Variants in GTF2H4 observed in about 807,000 individuals in gnomAD.
GTF2H4 encodes the protein general transcription factor IIH subunit 4.
GTF2H4 carries 49 observed loss-of-function variants against 62.2 expected under a neutral mutation model. The observed-to-expected ratio is 0.79, with a 90% CI of 0.63 to 1.00. GTF2H4 has a LOEUF of 1.00. GTF2H4 is among the 50% of genes least tolerant of loss of function. GTF2H4 has a pLI of 0.00. For synonymous variants in GTF2H4, 189 were observed against 233.8 expected (o/e 0.81, Z 1.75); for missense variants, 479 against 587.8 (o/e 0.81, Z 1.91).
rs1793827986 is a variant in GTF2H4, at chr6:30,912,599, G to T, written c.1089+141G>T. 5 of 1,088,408 alleles carry T rather than the reference G, an allele frequency of 4.6e-6. No individual in the cohort carries two copies. In the East Asian group the frequency reaches 1.3e-4, roughly 27 times the overall value. The allele number at this position is 1,088,408 out of a possible 1,614,324, so 67.4% of individuals were successfully genotyped here. A position where few individuals can be genotyped will look rare whatever the true frequency, so the allele number is the denominator to read the frequency against. ...TGTCTGTGTTTGAAGAGAAATGAAG[G>T]CTTTGGGTGTGAGAATAGGTAGACC... On this transcript the variant is annotated intron_variant, in intron 11 of 13. Transcript: ENST00000259895. The surrounding 1 kb of genome is among the most constrained non-coding windows in gnomAD (Gnocchi z 4.8).
Position 30,913,785 on chromosome 6 carries a change from C to G in GTF2H4, c.1217-26C>G, listed in dbSNP as rs1158078193. ...GCTTCACTTTCTCGTCTTCTCCCCGCGCCCCTCCCGTCCTGCCGACCCCAG... is the reference window on the plus strand; with the variant it reads ...GCTTCACTTTCTCGTCTTCTCCCCGGGCCCCTCCCGTCCTGCCGACCCCAG... On this transcript the variant is annotated intron_variant, in intron 13 of 13. Coordinates refer to ENST00000259895, the MANE Select transcript of GTF2H4 (RefSeq NM_001517.5). The surrounding 1 kb of genome is among the most constrained non-coding windows in gnomAD (Gnocchi z 4.2). The G allele has an allele frequency of 6.6e-7, 1 of 1,521,200 alleles. No homozygotes were observed. Among genetic ancestry groups the G allele is most frequent in the Admixed American group, 2.1e-5 (1 of 47,578 alleles). The allele number at this position is 1,521,200 out of a possible 1,614,324, so 94.2% of individuals were successfully genotyped here.
Position 30,913,431 on chromosome 6 carries a change from AAGGGC to A in GTF2H4, c.1216+47_1216+51del, listed in dbSNP as rs1407202773. 1 of 1,595,578 alleles carries A rather than the reference AAGGGC, an allele frequency of 6.3e-7. No homozygotes were observed. The highest frequency in any genetic ancestry group is 1.3e-5 in the African/African-American group (1 of 74,212). The stretch of plus-strand genomic sequence containing the variant: ...CCAAGTCTTGGTCATTGGCCAGAGA[AAGGGC>A]AGACAGTTCAGTCTGCATTTTATTT... On this transcript the variant is annotated intron_variant, in intron 13 of 13. Coordinates refer to ENST00000259895, the MANE Select transcript of GTF2H4 (RefSeq NM_001517.5). The surrounding 1 kb of genome is among the most constrained non-coding windows in gnomAD (Gnocchi z 4.2).
At position 30,909,277 on chromosome 6, in the gene GTF2H4, G is replaced by A. The variant is rs1362122; in HGVS notation, c.137+104G>A. The A allele has an allele frequency of 0.19, 269,229 of 1,407,452 alleles. 32,948 individuals are homozygous for A. Among genetic ancestry groups the A allele is most frequent in the East Asian group, 0.56 (22,724 of 40,498 alleles). 87.2% of individuals were successfully genotyped at this position (1,407,452 alleles called of 1,614,324 possible). ...GCCTGGAGTCGGGGTGGGGACTGGG[G>A]GCAAGGGTTGGAAATTGCTCTAAAG... On this transcript the variant is annotated intron_variant, in intron 2 of 13. Coordinates refer to ENST00000259895, the MANE Select transcript of GTF2H4 (RefSeq NM_001517.5). This position sits in a 1 kb window ranked among gnomAD's most constrained non-coding sequence, Gnocchi z 4.3.
rs1793661386 is a variant in GTF2H4 at position 30,909,122 on chromosome 6, G to C, written c.86G>C (p.Gly29Ala). 1.9e-6 allele frequency: 3 copies of C among 1,614,146 alleles called. No individual in the cohort carries two copies. The highest frequency in any genetic ancestry group is 2.5e-6 in the Non-Finnish European group (3 of 1,180,018). ...LQEFLGGLSP[G>A]VLDRLYGHPA... ...GAATTCTTAGGGGGCCTGAGCCCTG[G>C]GGTATTGGACCGATTGTATGGGCAC... Residue 29 changes from glycine (G) to alanine (A), a missense_variant, in exon 2 of 14, where the codon GGG becomes GCG. By Grantham distance (60) the Gly-to-Ala change is moderately conservative. Coordinates refer to ENST00000259895, the MANE Select transcript of GTF2H4 (RefSeq NM_001517.5). This position sits in a 1 kb window ranked among gnomAD's most constrained non-coding sequence, Gnocchi z 4.3.
Position 30,909,233 on chromosome 6 carries a change from C to T in GTF2H4, c.137+60C>T. 1 of 1,548,090 alleles carries T rather than the reference C, an allele frequency of 6.5e-7. No individual in the cohort carries two copies. On this transcript the variant is annotated intron_variant, in intron 2 of 13. Coordinates refer to ENST00000259895, the MANE Select transcript of GTF2H4 (RefSeq NM_001517.5). This position sits in a 1 kb window ranked among gnomAD's most constrained non-coding sequence, Gnocchi z 4.3. ...GGGTCTGCGGAGTGGAATAAAATATCATAGGTAAAAGTGTAGCAGCCTGGA... is the reference window on the plus strand; with the variant it reads ...GGGTCTGCGGAGTGGAATAAAATATTATAGGTAAAAGTGTAGCAGCCTGGA...
chr6:30,912,036 C>A lies in GTF2H4; in HGVS notation c.848C>A (p.Pro283His). 6.2e-7 allele frequency: 1 copy of A among 1,612,840 alleles called. No homozygotes were observed. Among genetic ancestry groups the A allele is most frequent in the Non-Finnish European group, 8.5e-7 (1 of 1,179,930 alleles). Residue 283 changes from proline to histidine, a missense_variant, in exon 10 of 14, where the codon CCC (proline) becomes CAC (histidine). Physicochemically the swap from Pro to His is moderately conservative, Grantham distance 77. Transcript: ENST00000259895. This position sits in a 1 kb window ranked among gnomAD's most constrained non-coding sequence, Gnocchi z 4.8. ...CAGAGGAAATCTCGGCGTTACTACC[C>A]CACACGCCTGGCCATCAATCTCTCA... ...QRKRKSRRYY[P>H]TRLAINLSSG...
chr6:30,911,613 A>T lies in GTF2H4; in HGVS notation c.742-71A>T, dbSNP rs944115221. The T allele has an allele frequency of 2.5e-6, 3 of 1,196,700 alleles. No individual in the cohort carries two copies. The East Asian group carries it at 7.4e-5, about 29-fold the overall frequency. The allele number at this position is 1,196,700 out of a possible 1,614,324, so 74.1% of individuals were successfully genotyped here. On this transcript the variant is annotated intron_variant, in intron 8 of 13. Transcript: ENST00000259895. This position sits in a 1 kb window ranked among gnomAD's most constrained non-coding sequence, Gnocchi z 4.3. ...AGAACGAACAGAGATGGAGAAAGAAAGAATGAATGTATGGGGTTGGGGGTG... is the reference window on the plus strand; with the variant it reads ...AGAACGAACAGAGATGGAGAAAGAATGAATGAATGTATGGGGTTGGGGGTG...
Position 30,909,012 on chromosome 6 carries a change from T to C in GTF2H4, c.-3-22T>C. On this transcript the variant is annotated intron_variant, in intron 1 of 13. Transcript: ENST00000259895. This position sits in a 1 kb window ranked among gnomAD's most constrained non-coding sequence, Gnocchi z 4.3. Reference sequence around the variant, plus strand: ...ACTGGCATGGATGGTGAGGTTGCACTTCTGACGTTTGCATTCCTCAGGTGA... The same window carrying C: ...ACTGGCATGGATGGTGAGGTTGCACCTCTGACGTTTGCATTCCTCAGGTGA... 6.2e-7 allele frequency: 1 copy of C among 1,613,728 alleles called. No homozygotes were observed. The highest frequency in any genetic ancestry group is 8.5e-7 in the Non-Finnish European group (1 of 1,179,952).
In GTF2H4 at chr6:30,910,481, C is replaced by T. The variant is rs1011493253; in HGVS notation, c.375-184C>T. 1 of 634,722 alleles carries T rather than the reference C, an allele frequency of 1.6e-6. No homozygotes were observed. Among genetic ancestry groups the T allele is most frequent in the African/African-American group, 1.8e-5 (1 of 55,446 alleles). The allele number at this position is 634,722 out of a possible 1,614,324, so 39.3% of individuals were successfully genotyped here. ...AGTAGCTGGGATTACAGGCACCCAC[C>T]ACGACGCCAGGCTAATTTTTTGTAT... is the stretch of plus-strand genomic sequence containing the variant. On this transcript the variant is annotated intron_variant, in intron 4 of 13. Coordinates refer to ENST00000259895, the MANE Select transcript of GTF2H4 (RefSeq NM_001517.5). The surrounding 1 kb of genome is among the most constrained non-coding windows in gnomAD (Gnocchi z 4.7).
chr6:30,911,104 G>T lies in GTF2H4; in HGVS notation c.561-54G>T. 7.0e-7 allele frequency: 1 copy of T among 1,435,040 alleles called. No individual in the cohort carries two copies. Among genetic ancestry groups the T allele is most frequent in the African/African-American group, 1.4e-5 (1 of 71,472 alleles). 88.9% of individuals were successfully genotyped at this position (1,435,040 alleles called of 1,614,324 possible). The stretch of plus-strand genomic sequence containing the variant: ...AGAAAAAACGTGAGTGGACAAGTGG[G>T]GATAGTAGTCTTTCTCTGCATATCA... On this transcript the variant is annotated intron_variant, in intron 6 of 13. Transcript: ENST00000259895. The surrounding 1 kb of genome is among the most constrained non-coding windows in gnomAD (Gnocchi z 4.3).
chr6:30,911,893 T>C lies in GTF2H4; in HGVS notation c.826-121T>C, dbSNP rs1793776244. On this transcript the variant is annotated intron_variant, in intron 9 of 13. Transcript: ENST00000259895. This position sits in a 1 kb window ranked among gnomAD's most constrained non-coding sequence, Gnocchi z 4.3. The stretch of plus-strand genomic sequence containing the variant: ...GTTGCCAGAACTGAATACTTGGGTC[T>C]CTCGGGGGAGAGAAGTTGGGGGTTG... The C allele has an allele frequency of 7.0e-7, 1 of 1,433,108 alleles. No individual in the cohort carries two copies. The highest frequency in any genetic ancestry group is 9.7e-7 in the Non-Finnish European group (1 of 1,033,298). 88.8% of individuals were successfully genotyped at this position (1,433,108 alleles called of 1,614,324 possible). A position where few individuals can be genotyped will look rare whatever the true frequency, so the allele number is the denominator to read the frequency against.
chr6:30,913,837 C>A lies in GTF2H4; in HGVS notation c.1243C>A (p.Gln415Lys). 6.2e-7 allele frequency: 1 copy of A among 1,601,642 alleles called. No homozygotes were observed. Residue 415 changes from glutamine to lysine, a missense_variant, in exon 14 of 14, where the codon CAA becomes AAA. By Grantham distance (53) the Gln-to-Lys change is moderately conservative. Coordinates refer to ENST00000259895, the MANE Select transcript of GTF2H4 (RefSeq NM_001517.5). The surrounding 1 kb of genome is among the most constrained non-coding windows in gnomAD (Gnocchi z 4.2). The part of the protein sequence containing the change: ...EGVLYNQFLS[Q>K]VDFELLLAHA... ...TGTCCTGTATAACCAGTTCCTGTCG[C>A]AAGTGGACTTTGAGCTGCTGCTGGC...
rs1191681410 is a variant in GTF2H4 at position 30,913,111 on chromosome 6, T to C, written c.1091T>C (p.Ile364Thr). 6.2e-7 allele frequency: 1 copy of C among 1,614,100 alleles called. No individual in the cohort carries two copies. The highest frequency in any genetic ancestry group is 1.7e-5 in the Admixed American group (1 of 60,014). The change falls in exon 12 of 14, where the codon ATA becomes ACA. Residue 364 changes from isoleucine (I) to threonine (T), a missense_variant and splice_region_variant. By Grantham distance (89) the Ile-to-Thr change is moderately conservative. Coordinates refer to ENST00000259895, the MANE Select transcript of GTF2H4 (RefSeq NM_001517.5). This position sits in a 1 kb window ranked among gnomAD's most constrained non-coding sequence, Gnocchi z 4.2. ...AIASGITAQQ[I>T]IHFLRTRAHP... The stretch of plus-strand genomic sequence containing the variant: ...TGCCATTCTTGTCTGTTTTCCTAGA[T>C]AATCCATTTCCTAAGGACAAGAGCC...
In GTF2H4 at chr6:30,909,601, A is replaced by AAGT; in HGVS notation, c.242+62_242+63insAGT. On this transcript the variant is annotated intron_variant, in intron 3 of 13. Coordinates refer to ENST00000259895, the MANE Select transcript of GTF2H4 (RefSeq NM_001517.5). This position sits in a 1 kb window ranked among gnomAD's most constrained non-coding sequence, Gnocchi z 4.3. ...CATTTCCCAAACTGCTGTTCCTTGG[A>AAGT]GCACTTCCAGGAAGTGTTAATAGAT... The AAGT allele has an allele frequency of 1.9e-6, 2 of 1,025,708 alleles. No individual in the cohort carries two copies. The highest frequency in any genetic ancestry group is 3.1e-6 in the Non-Finnish European group (2 of 650,046). 63.5% of individuals were successfully genotyped at this position (1,025,708 alleles called of 1,614,324 possible).
rs376631882 is a variant in GTF2H4, at chr6:30,910,650, C to T, written c.375-15C>T. 8.8e-4 allele frequency: 1,415 copies of T among 1,602,272 alleles called. 7 individuals carry two copies. The Middle Eastern group carries it at 9.1e-3, about 10-fold the overall frequency. ...CTGGCCAGGGTTCCTTACTCTTGGCCCATCCTGGCCGTAGGGGGAAGGCCT... is the reference window on the plus strand; with the variant it reads ...CTGGCCAGGGTTCCTTACTCTTGGCTCATCCTGGCCGTAGGGGGAAGGCCT... On this transcript the variant is annotated splice_polypyrimidine_tract_variant and intron_variant, in intron 4 of 13. Transcript: ENST00000259895. This position sits in a 1 kb window ranked among gnomAD's most constrained non-coding sequence, Gnocchi z 4.7.
In GTF2H4 at chr6:30,913,833, G is replaced by C; in HGVS notation, c.1239G>C (p.Leu413=). ...FTEGVLYNQF[L]SQVDFELLLA... Reference sequence around the variant, plus strand: ...CAGGTGTCCTGTATAACCAGTTCCTGTCGCAAGTGGACTTTGAGCTGCTGC... The same window carrying C: ...CAGGTGTCCTGTATAACCAGTTCCTCTCGCAAGTGGACTTTGAGCTGCTGC... The change falls in exon 14 of 14, where the codon CTG becomes CTC. Residue 413 remains leucine (L), a synonymous_variant. Transcript: ENST00000259895. This position sits in a 1 kb window ranked among gnomAD's most constrained non-coding sequence, Gnocchi z 4.2. 1 of 1,599,118 alleles carries C rather than the reference G, an allele frequency of 6.3e-7. No homozygotes were observed. The highest frequency in any genetic ancestry group is 8.5e-7 in the Non-Finnish European group (1 of 1,172,108).
In GTF2H4 at chr6:30,911,732, C is replaced by T. The variant is rs1793769935; in HGVS notation, c.790C>T (p.His264Tyr). 4 of 1,612,842 alleles carry T rather than the reference C, an allele frequency of 2.5e-6. No homozygotes were observed. The highest frequency in any genetic ancestry group is 3.4e-6 in the Non-Finnish European group (4 of 1,179,962). ...TGATTCTCTGTTGAACTTCCTGCAA[C>T]ATCTGCGTGAGTTTGGGCTTGTTTT... ...MSDSLLNFLQ[H>Y]LREFGLVFQR... is the part of the protein sequence containing the mutation. The change falls in exon 9 of 14, where the codon CAT becomes TAT. Residue 264 changes from histidine to tyrosine, a missense_variant. Physicochemically the swap from His to Tyr is moderately conservative, Grantham distance 83. Coordinates refer to ENST00000259895, the MANE Select transcript of GTF2H4 (RefSeq NM_001517.5). The surrounding 1 kb of genome is among the most constrained non-coding windows in gnomAD (Gnocchi z 4.3).
Position 30,910,045 on chromosome 6 carries a change from G to A in GTF2H4, c.356G>A (p.Arg119His), listed in dbSNP as rs761519541. The change falls in exon 4 of 14, where the codon CGC becomes CAC. Residue 119 changes from arginine to histidine, a missense_variant. Arg to His is a conservative substitution (Grantham distance 29). Coordinates refer to ENST00000259895, the MANE Select transcript of GTF2H4 (RefSeq NM_001517.5). The surrounding 1 kb of genome is among the most constrained non-coding windows in gnomAD (Gnocchi z 4.7). Reference protein sequence around the residue: ...ILNPIFRQNLRIALLGGGKAW... With the variant: ...ILNPIFRQNLHIALLGGGKAW... ...AACCCCATTTTCCGCCAGAACCTCC[G>A]CATTGCCCTTCTGGGTGGGTATGTC... 9 of 1,612,848 alleles carry A rather than the reference G, an allele frequency of 5.6e-6. No homozygotes were observed. The highest frequency in any genetic ancestry group is 1.7e-5 in the Admixed American group (1 of 59,982).
Position 30,913,090 on chromosome 6 carries a change from A to C in GTF2H4, c.1090-20A>C. 1 of 1,613,870 alleles carries C rather than the reference A, an allele frequency of 6.2e-7. No individual in the cohort carries two copies. Among genetic ancestry groups the C allele is most frequent in the Non-Finnish European group, 8.5e-7 (1 of 1,179,818 alleles). ...GCCTTCTTGCTGGAGCCCTCATGCC[A>C]TTCTTGTCTGTTTTCCTAGATAATC... On this transcript the variant is annotated intron_variant, in intron 11 of 13. Transcript: ENST00000259895. This position sits in a 1 kb window ranked among gnomAD's most constrained non-coding sequence, Gnocchi z 4.2.
Sources: gnomAD v4.1 joint callset for allele counts on GRCh38, gnomAD v4.1.1 for gene constraint, Gnocchi (gnomAD v3.1) non-coding constraint, MANE v1.5 for transcripts, NCBI Gene and HGNC (gene_info 2026-07-23, HGNC 2026-07-21) for gene names.